Variants in ARB2A observed in about 807,000 individuals in gnomAD.
The protein encoded by ARB2A is ARB2 cotranscriptional regulator A.
At chr5:93,761,527 C>A in the ARB2A span, among the ~76,000 whole-genome samples, 10 of 152,122 alleles carry the variant, frequency 6.6e-5, no homozygotes, top group Non-Finnish European at 1.5e-5. Context: ...CCACCATTGC[C>A]CAGGCTTGAG....
At chr5:93,927,717 A>G in the ARB2A span, among the ~76,000 whole-genome samples, 15 of 152,166 alleles carry the variant, frequency 9.9e-5, no homozygotes, top group African/African-American at 3.4e-4. Flanking sequence ...TGAGGTGTTA[A>G]AATATTAAGA....
At chr5:93,716,155 T>C in the ARB2A span, among the ~76,000 whole-genome samples, 1 of 152,200 alleles carries the variant, frequency 6.6e-6, no homozygotes, top group African/African-American at 2.4e-5. Flanking sequence ...AAACTAGTCC[T>C]ACTTCAGAGA....
At chr5:94,093,564 G>A in the ARB2A span, among the ~76,000 whole-genome samples, 2 of 152,100 alleles carry the variant, frequency 1.3e-5, no homozygotes, top group African/African-American at 4.8e-5. Flanking sequence ...TCCAAATACA[G>A]TTACACTGTA....
At chr5:93,987,735 C>T in the ARB2A span, among the ~76,000 whole-genome samples, 1 of 152,080 alleles carries the variant, frequency 6.6e-6, no homozygotes, top group Non-Finnish European at 1.5e-5. Flanking sequence ...TCATATTTTC[C>T]TTTTATCTGC....
chr5:93,682,918 G>A, the ARB2A span: 1 of 1,566,876 alleles, frequency 6.4e-7, no homozygotes, highest in Admixed American at 1.7e-5. Context: ...CATAATTGAT[G>A]AATTTGGCTT....
chr5:93,846,818 C>T, the ARB2A span, among the ~76,000 whole-genome samples: 5 of 152,116 alleles, frequency 3.3e-5, no homozygotes, highest in African/African-American at 1.2e-4. Context: ...ATGTTGATGG[C>T]TGCTGACTGA....
the ARB2A span, among the ~76,000 whole-genome samples, chr5:93,946,997 A>G: frequency 6.6e-6 from 1 of 152,130 alleles, no homozygotes; most frequent in African/African-American, 2.4e-5. Flanking sequence ...TTTTAATGTC[A>G]TATTTTTTCT....
chr5:93,947,575 T>A, the ARB2A span, among the ~76,000 whole-genome samples: 20 of 151,540 alleles, frequency 1.3e-4, no homozygotes, highest in African/African-American at 4.8e-4. Flanking sequence ...TGCAGGTTAG[T>A]TACGTATGTA....
chr5:93,900,307 TTAAAGA>T, the ARB2A span, among the ~76,000 whole-genome samples: 12 of 152,108 alleles, frequency 7.9e-5, no homozygotes, highest in Admixed American at 3.9e-4. Context: ...AATTCCACAC[TTAAAGA>T]TAAGAATGTG....
At chr5:93,653,135 C>T in the ARB2A span, among the ~76,000 whole-genome samples, 1 of 151,964 alleles carries the variant, frequency 6.6e-6, no homozygotes, top group Non-Finnish European at 1.5e-5. Context: ...TAGTGCCTGA[C>T]ATGATCCTGT....
chr5:93,913,332 A>G, the ARB2A span, among the ~76,000 whole-genome samples: 1 of 151,978 alleles, frequency 6.6e-6, no homozygotes, highest in East Asian at 1.9e-4. Flanking sequence ...TCTTCACAGA[A>G]CTATCAGCAT....
At chr5:94,018,470 T>C in the ARB2A span, among the ~76,000 whole-genome samples, 2 of 151,958 alleles carry the variant, frequency 1.3e-5, no homozygotes, top group African/African-American at 4.8e-5. Flanking sequence ...ACTATGATAA[T>C]ATACTGTGTT....
At chr5:93,805,192 G>T in the ARB2A span, 1 of 984,860 alleles carries the variant, frequency 1.0e-6, no homozygotes, top group Non-Finnish European at 1.2e-6. Context: ...TTGTTAAAGG[G>T]AAATAATGAG....
the ARB2A span, among the ~76,000 whole-genome samples, chr5:93,921,191 G>T: frequency 6.7e-6 from 1 of 148,246 alleles, no homozygotes; most frequent in Non-Finnish European, 1.5e-5. Flanking sequence ...AATTCGTGAA[G>T]CTGTAGCTAC....
chr5:93,972,253 A>G, the ARB2A span, among the ~76,000 whole-genome samples: 1 of 152,158 alleles, frequency 6.6e-6, no homozygotes, highest in African/African-American at 2.4e-5. Flanking sequence ...AGCCTGAAAT[A>G]CACGACCAAT....
chr5:93,950,331 C>A, the ARB2A span, among the ~76,000 whole-genome samples: 12 of 152,086 alleles, frequency 7.9e-5, no homozygotes, highest in African/African-American at 2.7e-4. Flanking sequence ...ACCTTTCTAC[C>A]AACAGTGTAC....
At chr5:94,074,433 T>C in the ARB2A span, among the ~76,000 whole-genome samples, 63 of 152,228 alleles carry the variant, frequency 4.1e-4, 1 homozygote, top group African/African-American at 1.4e-3. Flanking sequence ...ATAATTCTTA[T>C]AGATGCAAAA....
At chr5:94,005,616 C>T in the ARB2A span, among the ~76,000 whole-genome samples, 1 of 152,186 alleles carries the variant, frequency 6.6e-6, no homozygotes, top group Non-Finnish European at 1.5e-5. Flanking sequence ...TGAGCATCCA[C>T]TGTATTTGCA....
chr5:93,646,642 T>G, the ARB2A span, among the ~76,000 whole-genome samples: 1 of 151,960 alleles, frequency 6.6e-6, no homozygotes, highest in Non-Finnish European at 1.5e-5. Context: ...CATTCAAACA[T>G]AAAGATTTTC....
Sources: gnomAD v4.1 joint callset for allele counts (sites outside exome capture counted in the v4.1 genomes callset) on GRCh38, gnomAD v4.1.1 for gene constraint, MANE v1.5 for transcripts, NCBI Gene and HGNC (gene_info 2026-07-23, HGNC 2026-07-21) for gene names.